DNAJC7: variants seen among roughly 807,000 people sequenced by gnomAD.
DNAJC7 encodes dnaJ homolog subfamily C member 7.
A neutral mutation model predicts 67.4 loss-of-function variants in DNAJC7; 18 were observed. The observed-to-expected ratio is 0.27, with a 90% CI of 0.18 to 0.40. The LOEUF (loss-of-function observed/expected upper bound fraction) is 0.40, where lower values mean the gene tolerates loss of function less well. Ranked by LOEUF, DNAJC7 falls within the 10% of genes least tolerant of loss-of-function variation. The probability of loss-of-function intolerance (pLI) is 1.00; values close to 1 mark genes in which losing one functional copy is unlikely to be tolerated. For synonymous variants in DNAJC7, 220 were observed against 207.8 expected (o/e 1.06, Z -0.50); for missense variants, 419 against 613.8 (o/e 0.68, Z 3.35).
At chr17:42,008,567 G>A (rs1000520242) in intron 1 of DNAJC7, among the ~76,000 whole-genome samples, 1 of 151,574 alleles carries the variant, frequency 6.6e-6, no homozygotes, top group Non-Finnish European at 1.5e-5. Context: ...CTGCCACCAC[G>A]CCCAGCTAAT....
chr17:41,983,886 C>T (rs2051310732), intron 9 of DNAJC7, among the ~76,000 whole-genome samples: 1 of 152,154 alleles, frequency 6.6e-6, no homozygotes. Flanking sequence ...AGAAAGTAAT[C>T]AAGAGGAAAA....
At chr17:41,986,494 C>T (rs567230248) in intron 9 of DNAJC7, among the ~76,000 whole-genome samples, 2 of 151,836 alleles carry the variant, frequency 1.3e-5, no homozygotes, top group African/African-American at 4.8e-5. Flanking sequence ...CTAGCCACCC[C>T]CTTCCCACTG....
At position 41,994,959 on chromosome 17, in the gene DNAJC7, C is replaced by G. The variant is rs1555648379; in HGVS notation, c.406-15G>C. On this transcript the variant is annotated splice_polypyrimidine_tract_variant and intron_variant, in intron 4 of 13. Transcript: ENST00000457167. The stretch of plus-strand genomic sequence containing the variant: ...GCATTCTTGAACTGCACCGGAAAAT[C>G]AGACATAGGAAAGTTTTAATGAAGC... 1.2e-6 allele frequency: 2 copies of G among 1,608,390 alleles called. No individual in the cohort carries two copies. Among genetic ancestry groups the G allele is most frequent in the Non-Finnish European group, 8.5e-7 (1 of 1,176,104 alleles).
At chr17:41,984,211 G>C (rs543867957) in intron 9 of DNAJC7, 1 of 152,132 alleles carries the variant, frequency 6.6e-6, no homozygotes, top group Admixed American at 6.5e-5. Flanking sequence ...CTAAACACAG[G>C]TTTGCTTCTA....
chr17:41,990,363 C>T lies in DNAJC7; in HGVS notation c.500G>A (p.Arg167His), dbSNP rs1555647599. ...GCAGGCAGGGGCAAATTCTAGGGCA[C>T]GGTCCATGCAGAAAACAACCTGTAG... ...DFRKVVFCMD[R>H]ALEFAPACHR... The change falls in exon 6 of 14, where the codon CGT becomes CAT. Residue 167 changes from arginine to histidine, a missense_variant. Around this residue, in one of 4 missense-constraint regions of DNAJC7, gnomAD observed 179 missense variants for 249.7 expected, o/e 0.72. Transcript: ENST00000457167. The T allele has an allele frequency of 6.2e-6, 10 of 1,609,330 alleles. No individual in the cohort carries two copies. The highest frequency in any genetic ancestry group is 2.2e-5 in the East Asian group (1 of 44,830).
intron 1 of DNAJC7, 134 bp downstream of exon 1, chr17:42,017,206 G>T: frequency 6.3e-7 from 1 of 1,590,998 alleles, no homozygotes; most frequent in South Asian, 1.1e-5. Context: ...ATCCGGCCTT[G>T]ATCTCAGATG....
intron 1 of DNAJC7, among the ~76,000 whole-genome samples, chr17:42,010,320 C>CA (rs11424783): frequency 0.78 from 104,271 of 133,522 alleles, 40,280 homozygotes; most frequent in East Asian, 0.85. Flanking sequence ...CCTGTCTCTA[C>CA]AAAAAAAAAA....
intron 1 of DNAJC7, among the ~76,000 whole-genome samples, chr17:42,008,195 C>T (rs1483786800): frequency 6.7e-6 from 1 of 150,200 alleles, no homozygotes; most frequent in Admixed American, 6.6e-5. Flanking sequence ...GCCTGTAATC[C>T]CACCTATTCG....
At chr17:41,977,504 T>C (rs2051121964) in intron 12 of DNAJC7, 181 bp from the exon 13 acceptor site, 2 of 543,542 alleles carry the variant, frequency 3.7e-6, no homozygotes, top group Non-Finnish European at 6.6e-6. Flanking sequence ...CAAAACATGC[T>C]ACCTGATCCC....
intron 5 of DNAJC7, among the ~76,000 whole-genome samples, chr17:41,993,312 A>G (rs985767833): frequency 2.0e-5 from 3 of 152,074 alleles, no homozygotes; most frequent in African/African-American, 4.8e-5. Flanking sequence ...ACAAAAAATT[A>G]GCTGGGCGTG....
chr17:41,977,636 CT>C (rs1185967032), intron 12 of DNAJC7: 2 of 248,360 alleles, frequency 8.1e-6, no homozygotes, highest in African/African-American at 4.5e-5. Flanking sequence ...TTACACAAGA[CT>C]TTCCCCATAC....
intron 1 of DNAJC7, chr17:42,001,172 T>C (rs1279241705): frequency 6.6e-6 from 1 of 152,284 alleles, no homozygotes; most frequent in African/African-American, 2.4e-5. Context: ...ACTAAGACCG[T>C]GGATGACAGG....
intron 1 of DNAJC7, among the ~76,000 whole-genome samples, chr17:42,008,912 T>C (rs1173211473): frequency 5.3e-5 from 8 of 152,046 alleles, no homozygotes; most frequent in African/African-American, 1.7e-4. Context: ...TCTTGCCATG[T>C]TGGCCAGGCT....
Position 41,981,867 on chromosome 17 carries a change from T to G in DNAJC7, c.1372A>C (p.Met458Leu). 1 of 1,613,806 alleles carries G rather than the reference T, an allele frequency of 6.2e-7. No individual in the cohort carries two copies. Among genetic ancestry groups the G allele is most frequent in the South Asian group, 1.1e-5 (1 of 91,052 alleles). The change falls in exon 12 of 14, where the codon ATG becomes CTG. Residue 458 changes from methionine (M) to leucine (L), a missense_variant. By Grantham distance (15) the Met-to-Leu change is conservative. This residue lies in a region of DNAJC7 where 161 missense variants were observed against 252.2 expected (regional missense o/e 0.64). Transcript: ENST00000457167. The part of the protein sequence containing the change: ...DSGQDLDEEG[M>L]NMGDFDPNNI... ...CCAGCCAACTCACCACCCATATTCA[T>G]GCCCTCCTCATCTAGGTCCTGTCCA...
At position 41,987,890 on chromosome 17, in the gene DNAJC7, T is replaced by A; in HGVS notation, c.939A>T (p.Ala313=). The A allele has an allele frequency of 6.2e-7, 1 of 1,611,722 alleles. No homozygotes were observed. The change falls in exon 9 of 14, where the codon GCA becomes GCT. Residue 313 remains alanine (A), a synonymous_variant. Transcript: ENST00000457167. Reference sequence around the variant, plus strand: ...TCACTGCATTTGTGCAGTCTTCTATTGCATCATCTAGTTTCCTAAGCTTCA... The same window carrying A: ...TCACTGCATTTGTGCAGTCTTCTATAGCATCATCTAGTTTCCTAAGCTTCA... ...VNSKLRKLDD[A]IEDCTNAVKL... is the part of the protein sequence containing the mutation.
chr17:41,976,954 G>C, intron 13 of DNAJC7, 184 bp from the exon 14 acceptor site: 1 of 699,952 alleles, frequency 1.4e-6, no homozygotes, highest in Non-Finnish European at 2.3e-6. Flanking sequence ...ATTATACATG[G>C]GTAGCTTCTG....
Position 42,005,420 on chromosome 17 carries a change from C to T in DNAJC7, c.78-4850G>A, listed in dbSNP as rs568540517. Among the ~76,000 whole-genome samples the T allele has an allele frequency of 8.5e-5, 13 of 152,338 alleles. No homozygotes were observed. In the East Asian group the frequency reaches 2.3e-3, roughly 27 times the overall value. ...CCAAGTTGAACACTTAAGATCTCTG[C>T]GTTGGGTCAACTAGTCTAACTTTTA... On this transcript the variant is annotated intron_variant, in intron 1 of 13. Transcript: ENST00000457167.
At chr17:41,987,590 C>T in intron 9 of DNAJC7, 1 of 486,458 alleles carries the variant, frequency 2.1e-6, no homozygotes, top group Non-Finnish European at 3.6e-6. Context: ...AGGAAACTTA[C>T]TGACCGTGAG....
At chr17:42,011,314 G>A (rs1302506902) in intron 1 of DNAJC7, 8 of 152,218 alleles carry the variant, frequency 5.3e-5, no homozygotes, top group Non-Finnish European at 1.2e-4. Context: ...TGTACAATAA[G>A]GCTGGGCTTT....
Sources: gnomAD v4.1 joint callset for allele counts (sites outside exome capture counted in the v4.1 genomes callset) on GRCh38, gnomAD v4.1.1 for gene constraint, gnomAD v4.1.1 regional missense constraint, MANE v1.5 for transcripts, NCBI Gene and HGNC (gene_info 2026-07-23, HGNC 2026-07-21) for gene names.